The following SPTBN4 variants were observed in gnomAD, a reference collection of about 807,000 sequenced individuals.
The protein encoded by SPTBN4 is spectrin beta chain, non-erythrocytic 4.
A neutral mutation model predicts 277.8 loss-of-function variants in SPTBN4; 96 were observed. That is an observed-to-expected ratio of 0.35 (90% CI 0.29 to 0.41). SPTBN4 has a LOEUF of 0.41. Ranked by LOEUF, SPTBN4 falls within the 10% of genes least tolerant of loss-of-function variation. SPTBN4 has a pLI of 1.00. For synonymous variants in SPTBN4, 1,481 were observed against 1,580.3 expected (o/e 0.94, Z 1.49); for missense variants, 3,006 against 3,595.7 (o/e 0.84, Z 4.19).
At position 40,556,101 on chromosome 19, in the gene SPTBN4, G is replaced by T; in HGVS notation, c.5102G>T (p.Arg1701Leu). Reference protein sequence around the residue: ...GHPDSEQISRRQSQVDRLYVA... With the variant: ...GHPDSEQISRLQSQVDRLYVA... ...CCCTTCAGCGAGCAGATCAGCCGGC[G>T]GCAGTCTCAGGTGGACCGCCTGTAC... Residue 1701 changes from arginine to leucine, a missense_variant, in exon 25 of 36, where the codon CGG becomes CTG. Physicochemically the swap from Arg to Leu is moderately radical, Grantham distance 102. Coordinates refer to ENST00000598249, the MANE Select transcript of SPTBN4 (RefSeq NM_020971.3). 6.2e-7 allele frequency: 1 copy of T among 1,611,290 alleles called. No individual in the cohort carries two copies. Among genetic ancestry groups the T allele is most frequent in the Non-Finnish European group, 8.5e-7 (1 of 1,179,420 alleles).
At chr19:40,475,455 C>CTTTA (rs34506779) in intron 2 of SPTBN4, among the ~76,000 whole-genome samples, 28,045 of 150,730 alleles carry the variant, frequency 0.19, 2,861 homozygotes, top group Non-Finnish European at 0.23. Context: ...ATTTTTGGAA[C>CTTTA]TTTATTTATT....
In SPTBN4 at chr19:40,570,522, G is replaced by A; in HGVS notation, c.7113G>A (p.Arg2371=). The change falls in exon 33 of 36, where the codon CGG becomes CGA. Residue 2371 remains arginine (R), a synonymous_variant. Transcript: ENST00000598249. The part of the protein sequence containing the change: ...ELPERTPRPD[R]PRARDRPKPR... ...CCGAGCGGACACCTCGGCCGGACCG[G>A]CCCCGGGCGCGGGACCGGCCCAAGC... 1 of 1,468,628 alleles carries A rather than the reference G, an allele frequency of 6.8e-7. No homozygotes were observed. The highest frequency in any genetic ancestry group is 9.0e-7 in the Non-Finnish European group (1 of 1,115,618). 91.0% of individuals were successfully genotyped at this position (1,468,628 alleles called of 1,614,324 possible).
chr19:40,512,624 C>A lies in SPTBN4; in HGVS notation c.1835C>A (p.Pro612Gln). 6.5e-7 allele frequency: 1 copy of A among 1,539,238 alleles called. No individual in the cohort carries two copies. Residue 612 changes from proline to glutamine, a missense_variant, in exon 14 of 36, where the codon CCG becomes CAG. By Grantham distance (76) the Pro-to-Gln change is moderately conservative. Around this residue, in one of 5 missense-constraint regions of SPTBN4, gnomAD observed 1,759 missense variants for 2,061.5 expected, o/e 0.85. Coordinates refer to ENST00000598249, the MANE Select transcript of SPTBN4 (RefSeq NM_020971.3). ...GGCTCAGGCTACCAGCCCTGCGACC[C>A]GCAGGTCATCTGCAACCGCGTGAAC... ...SQLQGYQPCD[P>Q]QVICNRVNHV...
chr19:40,571,980 T>A, intron 33 of SPTBN4, 39 bp from the exon 34 acceptor site: 4 of 1,504,756 alleles, frequency 2.7e-6, no homozygotes, highest in Non-Finnish European at 3.6e-6. Flanking sequence ...TTAGGCAGAG[T>A]GCTGCGGCTC....
intron 13 of SPTBN4, among the ~76,000 whole-genome samples, chr19:40,509,481 G>A (rs1176053919): frequency 6.6e-6 from 1 of 152,182 alleles, no homozygotes; most frequent in Admixed American, 6.5e-5. Flanking sequence ...TTGACCTCAG[G>A]TGATCTGCCC....
Position 40,523,419 on chromosome 19 carries a change from A to T in SPTBN4, c.3655-18A>T. ...ATGGAATGAGGCTGACCTTTGCACC[A>T]CGCTCCCTCCTCCCCAGGAGATGGC... On this transcript the variant is annotated intron_variant, in intron 16 of 35. Transcript: ENST00000598249. The T allele has an allele frequency of 6.3e-7, 1 of 1,576,796 alleles. No homozygotes were observed. Among genetic ancestry groups the T allele is most frequent in the Admixed American group, 1.8e-5 (1 of 54,540 alleles).
intron 26 of SPTBN4, among the ~76,000 whole-genome samples, chr19:40,559,183 G>C (rs919191507): frequency 6.6e-6 from 1 of 152,012 alleles, no homozygotes; most frequent in Non-Finnish European, 1.5e-5. Context: ...GCCCGCCTTG[G>C]CCTCCCAAAG....
chr19:40,530,730 G>C, intron 18 of SPTBN4: 2 of 247,016 alleles, frequency 8.1e-6, no homozygotes, highest in Non-Finnish European at 1.3e-5. Context: ...GCAGGCGCCC[G>C]GACCCCCACC....
At position 40,487,875 on chromosome 19, in the gene SPTBN4, G is replaced by T. The variant is rs535931725; in HGVS notation, c.321+27G>T. On this transcript the variant is annotated intron_variant, in intron 3 of 35. Transcript: ENST00000598249. ...TGAGGGGGCCTGAAGGGCTGGGGCA[G>T]GGGTCCTCCCTGGGGTCTCAGGCTG... 2.3e-5 allele frequency: 36 copies of T among 1,571,434 alleles called. No homozygotes were observed. The Admixed American group carries it at 2.9e-4, about 13-fold the overall frequency.
Position 40,549,206 on chromosome 19 carries a change from G to A in SPTBN4, c.4377G>A (p.Val1459=), listed in dbSNP as rs2080889244. The A allele has an allele frequency of 1.3e-6, 2 of 1,546,968 alleles. No homozygotes were observed. Among genetic ancestry groups the A allele is most frequent in the South Asian group, 1.2e-5 (1 of 83,752 alleles). The stretch of plus-strand genomic sequence containing the variant: ...CCCCACAGTCCATGGAGTCGCAGGT[G>A]GAGGAGTGGTACCGCGAGGTGGGAG... ...LKKLQSMESQ[V]EEWYREVGEL... The change falls in exon 21 of 36, where the codon GTG becomes GTA. Residue 1459 remains valine (V), a synonymous_variant. Coordinates refer to ENST00000598249, the MANE Select transcript of SPTBN4 (RefSeq NM_020971.3).
chr19:40,555,863 G>C (rs2080972100), intron 24 of SPTBN4, among the ~76,000 whole-genome samples: 2 of 151,920 alleles, frequency 1.3e-5, no homozygotes, highest in Non-Finnish European at 2.9e-5. Flanking sequence ...GCTGCAGTGA[G>C]TTGTGATCAC....
rs763247392 is a variant in SPTBN4 at position 40,557,068 on chromosome 19, G to A, written c.5335G>A (p.Ala1779Thr). 1.1e-5 allele frequency: 17 copies of A among 1,575,776 alleles called. No homozygotes were observed. The highest frequency in any genetic ancestry group is 1.5e-5 in the Non-Finnish European group (17 of 1,154,892). Reference protein sequence around the residue: ...FSEFASETGMAGRERLAAVNQ... With the variant: ...FSEFASETGMTGRERLAAVNQ... ...AGAGTTTGCCAGCGAGACAGGTATG[G>A]CAGGGCGGGAACGGCTGGCAGCTGT... Residue 1779 changes from alanine to threonine, a missense_variant, in exon 26 of 36, where the codon GCA becomes ACA. By Grantham distance (58) the Ala-to-Thr change is moderately conservative. Transcript: ENST00000598249.
chr19:40,570,775 T>TGACC, intron 33 of SPTBN4, 47 bp downstream of exon 33: 1 of 1,578,840 alleles, frequency 6.3e-7, no homozygotes, highest in Non-Finnish European at 8.6e-7. Flanking sequence ...AGGCTCAGGG[T>TGACC]GACCATTGCG....
Position 40,560,578 on chromosome 19 carries a change from G to T in SPTBN4, c.5915+175G>T. 1 of 1,478,498 alleles carries T rather than the reference G, an allele frequency of 6.8e-7. No individual in the cohort carries two copies. 91.6% of individuals were successfully genotyped at this position (1,478,498 alleles called of 1,614,324 possible). A position where few individuals can be genotyped will look rare whatever the true frequency, so the allele number is the denominator to read the frequency against. The stretch of plus-strand genomic sequence containing the variant: ...CGTGTGTATTCAGACCCCTTTTTTA[G>T]GCCTGTCATTGGGGACTTCGGTCAT... On this transcript the variant is annotated intron_variant, in intron 27 of 35. Transcript: ENST00000598249. This position sits in a 1 kb window ranked among gnomAD's most constrained non-coding sequence, Gnocchi z 5.2.
intron 20 of SPTBN4, among the ~76,000 whole-genome samples, chr19:40,542,343 C>T (rs959198032): frequency 2.4e-4 from 36 of 152,178 alleles, no homozygotes; most frequent in African/African-American, 8.7e-4. Flanking sequence ...TCTGGGACCC[C>T]ACCTCCCAGG....
intron 35 of SPTBN4, among the ~76,000 whole-genome samples, chr19:40,574,916 GA>G (rs1162597344): frequency 6.6e-6 from 1 of 151,210 alleles, no homozygotes; most frequent in Non-Finnish European, 1.5e-5. Context: ...TCAGGAGACT[GA>G]GGCACAAGAA....
chr19:40,545,306 G>T (rs1256174737), intron 20 of SPTBN4, among the ~76,000 whole-genome samples: 1 of 151,914 alleles, frequency 6.6e-6, no homozygotes, highest in Non-Finnish European at 1.5e-5. Context: ...ATGTTGGCCA[G>T]GCTGGTCTCA....
chr19:40,471,447 G>A (rs1352675860), intron 1 of SPTBN4, among the ~76,000 whole-genome samples: 2 of 152,192 alleles, frequency 1.3e-5, no homozygotes, highest in East Asian at 3.8e-4. Context: ...GTTCATTATT[G>A]TTATTACTGC....
chr19:40,573,727 C>T (rs181077161), intron 35 of SPTBN4, among the ~76,000 whole-genome samples: 3 of 152,096 alleles, frequency 2.0e-5, no homozygotes, highest in African/African-American at 7.2e-5. Context: ...TGCTTGAACC[C>T]GGAAGGCAGA....
Sources: allele counts gnomAD v4.1 joint callset (sites outside exome capture counted in the v4.1 genomes callset), GRCh38; gene constraint gnomAD v4.1.1; regional missense constraint gnomAD v4.1.1; non-coding constraint Gnocchi (gnomAD v3.1); transcripts MANE v1.5; gene names NCBI Gene and HGNC (gene_info 2026-07-23, HGNC 2026-07-21).